Variants in PRR5L observed in about 807,000 individuals in gnomAD.
PRR5L encodes the protein proline rich 5 like.
In PRR5L, 21 loss-of-function variants were observed where a neutral mutation model predicts 36.4. The observed-to-expected ratio is 0.58, with a 90% confidence interval of 0.41 to 0.83. The LOEUF (loss-of-function observed/expected upper bound fraction) is 0.83. Ranked by LOEUF, PRR5L falls within the 40% of genes least tolerant of loss-of-function variation. PRR5L has a pLI of 0.00. For missense variants in PRR5L, 381 were observed against 473.3 expected (o/e 0.80, Z 1.81); for synonymous variants, 188 against 197.0 (o/e 0.95, Z 0.38).
intron 1 of PRR5L, among the ~76,000 whole-genome samples, chr11:36,357,196 A>G (rs923598164): frequency 1.3e-5 from 2 of 152,192 alleles, no homozygotes; most frequent in African/African-American, 4.8e-5. Flanking sequence ...GCTCTCTTTA[A>G]TCCTATGAAG....
chr11:36,321,935 G>A (rs540236195), intron 1 of PRR5L, among the ~76,000 whole-genome samples: 1 of 152,020 alleles, frequency 6.6e-6, no homozygotes, highest in Non-Finnish European at 1.5e-5. Flanking sequence ...GGTCATATGG[G>A]GTTAAAGCCC....
chr11:36,457,930 A>G (rs1165695001), intron 8 of PRR5L, among the ~76,000 whole-genome samples: 1 of 152,224 alleles, frequency 6.6e-6, no homozygotes, highest in Non-Finnish European at 1.5e-5. Context: ...ACAGTTTTTC[A>G]ATGGGATCCT....
In PRR5L at chr11:36,311,119, A is replaced by T. The variant is rs1856498036; in HGVS notation, c.-126+14681A>T. ...TACAGGGAGAATGGGAGGAAGGAAG[A>T]GCTTGAGAATGCAGCAATTGAGTTT... is the stretch of plus-strand genomic sequence containing the variant. On this transcript the variant is annotated intron_variant, in intron 1 of 8. Coordinates refer to ENST00000530639, the MANE Select transcript of PRR5L (RefSeq NM_001160167.2). Among the ~76,000 whole-genome samples the T allele has an allele frequency of 2.6e-5, 4 of 152,102 alleles. No individual in the cohort carries two copies. In the South Asian group the frequency reaches 8.3e-4, roughly 31 times the overall value.
Position 36,434,721 on chromosome 11 carries a change from C to A in PRR5L, c.353-2664C>A, listed in dbSNP as rs182018361. On this transcript the variant is annotated intron_variant, in intron 5 of 8. Transcript: ENST00000530639. ...CTTCATTTTTGCAGGGAGCTAAGTC[C>A]TTGACTTATGGGCTGTTTCTGGAAG... Among the ~76,000 whole-genome samples the A allele has an allele frequency of 3.3e-5, 5 of 152,276 alleles. No homozygotes were observed. The East Asian group carries it at 9.7e-4, about 29-fold the overall frequency.
intron 1 of PRR5L, among the ~76,000 whole-genome samples, chr11:36,375,597 T>C (rs1857246416): frequency 1.3e-5 from 2 of 152,218 alleles, no homozygotes; most frequent in African/African-American, 4.8e-5. Flanking sequence ...TTTTAAAGTA[T>C]TTCCTGCTCA....
chr11:36,418,567 C>T (rs1016179082), intron 3 of PRR5L, among the ~76,000 whole-genome samples: 2 of 152,090 alleles, frequency 1.3e-5, no homozygotes, highest in African/African-American at 4.8e-5. Flanking sequence ...GAGGCCGAGG[C>T]GGGCGGATCA....
chr11:36,376,821 T>A, intron 1 of PRR5L: 2 of 737,790 alleles, frequency 2.7e-6, no homozygotes, highest in Non-Finnish European at 3.3e-6. Flanking sequence ...GTGGCGGGGG[T>A]AGGAGCTAGG....
intron 3 of PRR5L, among the ~76,000 whole-genome samples, chr11:36,418,743 C>T (rs1858201341): frequency 6.6e-6 from 1 of 151,996 alleles, no homozygotes; most frequent in African/African-American, 2.4e-5. Flanking sequence ...TTGCAGTGAG[C>T]CAAGATTGCG....
intron 1 of PRR5L, among the ~76,000 whole-genome samples, chr11:36,357,860 A>G (rs1209340380): frequency 6.6e-6 from 1 of 152,186 alleles, no homozygotes; most frequent in African/African-American, 2.4e-5. Context: ...AGTAATTTTG[A>G]TTTTCAAGTC....
At chr11:36,423,096 G>A (rs1208981105) in intron 4 of PRR5L, among the ~76,000 whole-genome samples, 1 of 152,120 alleles carries the variant, frequency 6.6e-6, no homozygotes, top group Non-Finnish European at 1.5e-5. Flanking sequence ...AATTCCTTTT[G>A]TTGGAACTGG....
chr11:36,306,392 T>C (rs1301001763), intron 1 of PRR5L, among the ~76,000 whole-genome samples: 1 of 151,742 alleles, frequency 6.6e-6, no homozygotes, highest in African/African-American at 2.4e-5. Context: ...GCTTCATCTA[T>C]GTCCCTGCAA....
At chr11:36,331,445 T>C (rs1856717845) in intron 1 of PRR5L, among the ~76,000 whole-genome samples, 2 of 152,292 alleles carry the variant, frequency 1.3e-5, no homozygotes, top group African/African-American at 4.8e-5. Context: ...AAAAAAAGAT[T>C]TGGTTCTCTT....
Position 36,401,033 on chromosome 11 carries a change from G to A in PRR5L, c.-89G>A, listed in dbSNP as rs543159489. ...GTTTGTGGTTTTAAGAAAGCCTGAG[G>A]GCCTGAAGGCAGCCCCTGGAGAAGC... is the stretch of plus-strand genomic sequence containing the variant. On this transcript the variant is annotated 5_prime_UTR_variant, in exon 2 of 9. Transcript: ENST00000530639. The A allele has an allele frequency of 1.4e-4, 222 of 1,534,958 alleles. 2 individuals carry two copies. The South Asian group carries it at 1.9e-3, about 13-fold the overall frequency.
Position 36,337,893 on chromosome 11 carries a change from G to A in PRR5L, c.-126+41455G>A, listed in dbSNP as rs187951799. Among the ~76,000 whole-genome samples, 5 of 152,324 alleles carry A rather than the reference G, an allele frequency of 3.3e-5. No homozygotes were observed. In the East Asian group the frequency reaches 9.6e-4, roughly 29 times the overall value. On this transcript the variant is annotated intron_variant, in intron 1 of 8. Coordinates refer to ENST00000530639, the MANE Select transcript of PRR5L (RefSeq NM_001160167.2). ...TTCTTTAATGTGAAACAGTTCAGAG[G>A]TCAGATGTCCCAGGCTGATATATTC...
Position 36,348,470 on chromosome 11 carries a change from TC to T in PRR5L, c.-126+52036del, listed in dbSNP as rs991799272. ...CCCACTCCTGCTTTAACTAACCAAG[TC>T]CCCGCCTCTTCCGACCATGTGTTTA... is the stretch of plus-strand genomic sequence containing the variant. On this transcript the variant is annotated intron_variant, in intron 1 of 8. Transcript: ENST00000530639. 1.4e-4 allele frequency among the ~76,000 whole-genome samples: 22 copies of T among 152,130 alleles called. 1 individual carries two copies. Among genetic ancestry groups the T allele is most frequent in the Admixed American group, 1.4e-3 (22 of 15,282 alleles).
At chr11:36,357,354 G>A (rs532493771) in intron 1 of PRR5L, among the ~76,000 whole-genome samples, 19 of 152,324 alleles carry the variant, frequency 1.2e-4, no homozygotes, top group Middle Eastern at 3.4e-3. Flanking sequence ...TAAGTTATAT[G>A]GAAGATCTAG....
intron 1 of PRR5L, among the ~76,000 whole-genome samples, chr11:36,309,572 G>A (rs368947069): frequency 3.1e-4 from 2 of 6,494 alleles, no homozygotes; most frequent in Non-Finnish European, 6.9e-4. Flanking sequence ...ATCACAGTCA[G>A]TTTAAACATT....
At chr11:36,310,401 T>C (rs1349690241) in intron 1 of PRR5L, among the ~76,000 whole-genome samples, 2 of 152,108 alleles carry the variant, frequency 1.3e-5, no homozygotes, top group Non-Finnish European at 2.9e-5. Context: ...CAGAGAGCAT[T>C]TAATAGGGGC....
At chr11:36,304,399 T>A (rs1025041796) in intron 1 of PRR5L, among the ~76,000 whole-genome samples, 2 of 152,204 alleles carry the variant, frequency 1.3e-5, no homozygotes, top group African/African-American at 4.8e-5. Context: ...CATGGAGCTT[T>A]TATTTTAGGG....
Sources: gnomAD v4.1 joint callset for allele counts (sites outside exome capture counted in the v4.1 genomes callset) on GRCh38, gnomAD v4.1.1 for gene constraint, MANE v1.5 for transcripts, NCBI Gene and HGNC (gene_info 2026-07-23, HGNC 2026-07-21) for gene names.